The following NEDD4L variants were observed in gnomAD, a reference collection of about 807,000 sequenced individuals.
The protein encoded by NEDD4L is E3 ubiquitin-protein ligase NEDD4-like.
NEDD4L carries 54 observed loss-of-function variants against 148.9 expected under a neutral mutation model. That is an observed-to-expected ratio of 0.36 (90% CI 0.29 to 0.45). The LOEUF (loss-of-function observed/expected upper bound fraction) is 0.45. Ranked by LOEUF, NEDD4L falls within the 20% of genes least tolerant of loss-of-function variation. The pLI, the probability that NEDD4L is intolerant of heterozygous loss-of-function variation, is 1.00. For missense variants in NEDD4L, 856 were observed against 1,233.8 expected, an observed-to-expected ratio of 0.69 and a Z score of 4.59; for synonymous variants, 433 against 440.7, an observed-to-expected ratio of 0.98 and a Z score of 0.22.
chr18:58,159,984 C>T (rs972110342), intron 1 of NEDD4L, among the ~76,000 whole-genome samples: 3 of 152,164 alleles, frequency 2.0e-5, no homozygotes, highest in African/African-American at 7.2e-5. Flanking sequence ...ACACTATTTC[C>T]CAGCTCAGAT....
At chr18:58,255,951 C>T (rs1202161996) in intron 5 of NEDD4L, 10 of 1,231,062 alleles carry the variant, frequency 8.1e-6, no homozygotes, top group African/African-American at 7.8e-5. Flanking sequence ...GACGGGGCCA[C>T]GGACGGGTGC....
intron 5 of NEDD4L, among the ~76,000 whole-genome samples, chr18:58,261,885 C>T (rs2049434408): frequency 6.6e-6 from 1 of 152,086 alleles, no homozygotes; most frequent in Non-Finnish European, 1.5e-5. Context: ...AAGCCATTTG[C>T]AAGAATGGGA....
chr18:58,266,033 G>A (rs2050172843), intron 5 of NEDD4L, among the ~76,000 whole-genome samples: 1 of 152,046 alleles, frequency 6.6e-6, no homozygotes, highest in Admixed American at 6.6e-5. Context: ...TATGAGACAT[G>A]TTAACTACAT....
In NEDD4L at chr18:58,373,182, A is replaced by G. The variant is rs755901908; in HGVS notation, c.2265A>G (p.Glu755=). The part of the protein sequence containing the change: ...TLNDMESVDS[E]YYNSLKWILE... Reference sequence around the variant, plus strand: ...CCTGTGTCATTCTGTAGGATAGTGAATATTACAACTCTTTGAAATGGATCC... The same window carrying G: ...CCTGTGTCATTCTGTAGGATAGTGAGTATTACAACTCTTTGAAATGGATCC... The change falls in exon 24 of 31, where the codon GAA becomes GAG. Residue 755 remains glutamate (E), a synonymous_variant. Transcript: ENST00000400345. 4 of 1,551,026 alleles carry G rather than the reference A, an allele frequency of 2.6e-6. No individual in the cohort carries two copies. The Admixed American group carries it at 7.5e-5, about 29-fold the overall frequency.
intron 2 of NEDD4L, among the ~76,000 whole-genome samples, chr18:58,177,452 G>T (rs2038304472): frequency 6.6e-6 from 1 of 152,028 alleles, no homozygotes; most frequent in African/African-American, 2.4e-5. Context: ...GTAGGGAGAG[G>T]TGTGCATTAG....
intron 5 of NEDD4L, among the ~76,000 whole-genome samples, chr18:58,309,998 G>A (rs1339428619): frequency 6.6e-6 from 1 of 152,224 alleles, no homozygotes; most frequent in East Asian, 1.9e-4. Flanking sequence ...TGCAAGCACA[G>A]TTGTTCTTTG....
At chr18:58,169,545 C>T (rs1194075435) in intron 2 of NEDD4L, among the ~76,000 whole-genome samples, 4 of 53,094 alleles carry the variant, frequency 7.5e-5, no homozygotes, top group Non-Finnish European at 1.2e-4. Context: ...TTCCCCAAAA[C>T]AGCTTAAAAA....
At chr18:58,112,677 A>G (rs1003940205) in intron 1 of NEDD4L, among the ~76,000 whole-genome samples, 7 of 151,752 alleles carry the variant, frequency 4.6e-5, no homozygotes, top group African/African-American at 1.7e-4. Flanking sequence ...TTTAGTAGAG[A>G]TGGGGTTTCT....
At chr18:58,094,070 G>A (rs970948326) in intron 1 of NEDD4L, among the ~76,000 whole-genome samples, 2 of 152,086 alleles carry the variant, frequency 1.3e-5, no homozygotes, top group African/African-American at 4.8e-5. Context: ...TCTACTACCT[G>A]CAGAATAAAG....
intron 1 of NEDD4L, among the ~76,000 whole-genome samples, chr18:58,165,396 T>C (rs551200038): frequency 7.2e-4 from 110 of 152,348 alleles, no homozygotes; most frequent in Non-Finnish European, 1.4e-3. Flanking sequence ...CATACAAATA[T>C]GTCAACTTCA....
intron 2 of NEDD4L, among the ~76,000 whole-genome samples, chr18:58,232,755 G>A (rs2045398103): frequency 6.6e-6 from 1 of 152,176 alleles, no homozygotes; most frequent in African/African-American, 2.4e-5. Context: ...CAGGTGTCTG[G>A]TGGTTTGTTT....
At chr18:58,116,648 G>C (rs529589085) in intron 1 of NEDD4L, among the ~76,000 whole-genome samples, 1 of 152,334 alleles carries the variant, frequency 6.6e-6, no homozygotes, top group African/African-American at 2.4e-5. Context: ...CATTTGCAGA[G>C]GGAGACCAGA....
chr18:58,395,142 C>T (rs1568960478), intron 30 of NEDD4L, among the ~76,000 whole-genome samples: 3 of 152,166 alleles, frequency 2.0e-5, no homozygotes. Context: ...GCATGGTGAG[C>T]ACTCCATGAA....
intron 1 of NEDD4L, among the ~76,000 whole-genome samples, chr18:58,071,478 C>G (rs2082872236): frequency 1.3e-5 from 2 of 152,092 alleles, no homozygotes. Flanking sequence ...AATCAGTGAA[C>G]TGGAAGACAG....
intron 5 of NEDD4L, among the ~76,000 whole-genome samples, chr18:58,273,399 A>ATC (rs912384315): frequency 3.3e-5 from 5 of 151,800 alleles, no homozygotes; most frequent in South Asian, 2.1e-4. Flanking sequence ...TTTACAGAGG[A>ATC]TCTCTCTCTC....
chr18:58,283,497 T>A (rs1237133092), intron 5 of NEDD4L, among the ~76,000 whole-genome samples: 1 of 152,124 alleles, frequency 6.6e-6, no homozygotes, highest in East Asian at 1.9e-4. Flanking sequence ...ATTTTTACCA[T>A]TGCCCAGAGG....
chr18:58,109,162 T>C (rs945483935), intron 1 of NEDD4L, among the ~76,000 whole-genome samples: 5 of 152,226 alleles, frequency 3.3e-5, no homozygotes, highest in African/African-American at 1.2e-4. Context: ...CAAATTAGAA[T>C]AAGGCAAGGC....
At chr18:58,186,746 G>A (rs922542593) in intron 2 of NEDD4L, among the ~76,000 whole-genome samples, 5 of 152,178 alleles carry the variant, frequency 3.3e-5, no homozygotes, top group African/African-American at 4.8e-5. Context: ...GCTGCATTCC[G>A]GTATGCTTGC....
At chr18:58,058,798 A>G (rs2082199089) in intron 1 of NEDD4L, among the ~76,000 whole-genome samples, 1 of 152,266 alleles carries the variant, frequency 6.6e-6, no homozygotes, top group South Asian at 2.1e-4. Flanking sequence ...ACTCAATAGC[A>G]CCTTTCTGCA....
Sources: gnomAD v4.1 joint callset for allele counts (sites outside exome capture counted in the v4.1 genomes callset) on GRCh38, gnomAD v4.1.1 for gene constraint, MANE v1.5 for transcripts, NCBI Gene and HGNC (gene_info 2026-07-23, HGNC 2026-07-21) for gene names.